The following XRCC3 variants were observed in gnomAD, a reference collection of about 807,000 sequenced individuals.
XRCC3 encodes the protein X-ray repair cross complementing 3.
A neutral mutation model predicts 29.2 loss-of-function variants in XRCC3; 34 were observed. The ratio of observed to expected loss-of-function variants is 1.16; its 90% CI spans 0.88 to 1.55. XRCC3 has a LOEUF of 1.55. Among genes scored for constraint, XRCC3 ranks in the 40% most tolerant of loss-of-function variants. The pLI is 0.00. For missense variants in XRCC3, 463 were observed against 467.6 expected, an observed-to-expected ratio of 0.99 and a Z score of 0.09; for synonymous variants, 223 against 211.3, an observed-to-expected ratio of 1.06 and a Z score of -0.48.
chr14:103,711,693 C>T (rs1036134401), intron 2 of XRCC3, 126 bp from the exon 3 acceptor site: 18 of 456,126 alleles, frequency 3.9e-5, no homozygotes, highest in Non-Finnish European at 7.9e-5. Context: ...CTGTGGACCC[C>T]ACCCAGCCTC....
chr14:103,700,168 A>C (rs1160901656), intron 7 of XRCC3: 1 of 204,382 alleles, frequency 4.9e-6, no homozygotes, highest in East Asian at 1.2e-4. Context: ...GGGGGTCAGG[A>C]TGGGGCTGTA....
intron 5 of XRCC3, 34 bp downstream of exon 5, chr14:103,708,488 G>A (rs1799795): frequency 0.068 from 109,146 of 1,612,390 alleles, 4,140 homozygotes; most frequent in Middle Eastern, 0.12. Flanking sequence ...GGAGCCACAT[G>A]TCACCCCTGG....
At chr14:103,710,390 C>G (rs1455385867) in intron 4 of XRCC3, 2 of 152,598 alleles carry the variant, frequency 1.3e-5, no homozygotes, top group African/African-American at 4.8e-5. Context: ...ACTGACAAAT[C>G]AAACATTACA....
chr14:103,702,383 A>AG (rs2083254249), intron 7 of XRCC3: 1 of 152,310 alleles, frequency 6.6e-6, no homozygotes, highest in Non-Finnish European at 1.5e-5. Flanking sequence ...CTCAGGGGCA[A>AG]GGGGAAACCA....
chr14:103,708,836 G>A (rs911742615), intron 4 of XRCC3, 177 bp from the exon 5 acceptor site: 11 of 779,014 alleles, frequency 1.4e-5, no homozygotes, highest in South Asian at 3.0e-5. Flanking sequence ...CAGTGTGGCC[G>A]ATGCACAGGC....
At chr14:103,708,802 C>A in intron 4 of XRCC3, 143 bp from the exon 5 acceptor site, 2 of 1,098,272 alleles carry the variant, frequency 1.8e-6, no homozygotes, top group East Asian at 2.6e-5. Context: ...GACCGGATCC[C>A]CTGCTCCCTG....
intron 1 of XRCC3, among the ~76,000 whole-genome samples, 178 bp downstream of exon 1, chr14:103,715,246 G>A (rs1422021566): frequency 2.0e-5 from 3 of 152,092 alleles, no homozygotes; most frequent in East Asian, 3.9e-4. Context: ...CGGGGCTCCC[G>A]GGGTGAGTGC....
chr14:103,705,516 C>G (rs988923983), intron 6 of XRCC3: 5 of 152,206 alleles, frequency 3.3e-5, no homozygotes, highest in African/African-American at 1.2e-4. Flanking sequence ...CTGCCGCTTT[C>G]TTTTCAAAAT....
At chr14:103,703,475 T>A (rs954425160) in intron 6 of XRCC3, 148 bp from the exon 7 acceptor site, 1 of 989,028 alleles carries the variant, frequency 1.0e-6, no homozygotes, top group Non-Finnish European at 1.5e-6. Flanking sequence ...AGGAGGCTGG[T>A]GCTTTTTCTC....
rs369084074 is a variant in XRCC3 at position 103,703,128 on chromosome 14, G to C, written c.561+45C>G. ...TGGCTACACCTGCCCCAATGGTCCT[G>C]AATAGCTTGCCTTGGGGGTGTCATG... On this transcript the variant is annotated intron_variant, in intron 7 of 9. Transcript: ENST00000555055. 3.2e-6 allele frequency: 5 copies of C among 1,548,720 alleles called. No individual in the cohort carries two copies. The Admixed American group carries it at 9.6e-5, about 30-fold the overall frequency.
At chr14:103,701,363 C>T in intron 7 of XRCC3, 1 of 708,234 alleles carries the variant, frequency 1.4e-6, no homozygotes, top group African/African-American at 1.8e-5. Flanking sequence ...AACCACACGG[C>T]TGGCGTGACC....
Position 103,711,137 on chromosome 14 carries a change from A to T in XRCC3, c.-50T>A. 6.2e-7 allele frequency: 1 copy of T among 1,603,586 alleles called. No homozygotes were observed. Among genetic ancestry groups the T allele is most frequent in the Non-Finnish European group, 8.5e-7 (1 of 1,170,480 alleles). ...ATGAATAACTTCCCAGGAAAGACAG[A>T]ACAATGGATGCAAATTCTGAGGCAC... On this transcript the variant is annotated 5_prime_UTR_variant, in exon 4 of 10. Coordinates refer to ENST00000555055, the MANE Select transcript of XRCC3 (RefSeq NM_005432.4).
rs779101792 is a variant in XRCC3, at chr14:103,708,523, T to C, written c.192A>G (p.Thr64=). Residue 64 remains threonine (T), a splice_region_variant and synonymous_variant, in exon 5 of 10, where the codon ACA becomes ACG. Coordinates refer to ENST00000555055, the MANE Select transcript of XRCC3 (RefSeq NM_005432.4). ...GCAGAGATGCCAGGGCCCACCTACC[T>C]GTAAGGATGCTGCTTCCCCGCAAGT... The part of the protein sequence containing the change: ...SLHLRGSSIL[T]ALQLHQQKER... The C allele has an allele frequency of 1.9e-6, 3 of 1,613,852 alleles. No homozygotes were observed. Among genetic ancestry groups the C allele is most frequent in the South Asian group, 1.1e-5 (1 of 91,080 alleles).
intron 2 of XRCC3, 166 bp from the exon 3 acceptor site, chr14:103,711,733 C>T (rs765789323): frequency 4.4e-6 from 2 of 455,908 alleles, no homozygotes; most frequent in Non-Finnish European, 8.8e-6. Flanking sequence ...AGCCATTCCA[C>T]AGCCCGAGCC....
chr14:103,702,842 G>C (rs1015566464), intron 7 of XRCC3: 24 of 365,130 alleles, frequency 6.6e-5, no homozygotes, highest in Non-Finnish European at 1.1e-4. Context: ...CAGGACCCCT[G>C]CTCTCCGTAT....
At position 103,703,193 on chromosome 14, in the gene XRCC3, T is replaced by C. The variant is rs1567054028; in HGVS notation, c.541A>G (p.Ile181Val). ...QKLRFGSQIF[I>V]EHVADVDTLL... is the part of the protein sequence containing the mutation. The stretch of plus-strand genomic sequence containing the variant: ...CTCACCACATCGGCCACGTGCTCGA[T>C]GAAGATCTGGCTGCCAAATCGGAGC... The change falls in exon 7 of 10, where the codon ATC becomes GTC. Residue 181 changes from isoleucine to valine, a missense_variant. Coordinates refer to ENST00000555055, the MANE Select transcript of XRCC3 (RefSeq NM_005432.4). 1.3e-6 allele frequency: 2 copies of C among 1,572,780 alleles called. No individual in the cohort carries two copies. The highest frequency in any genetic ancestry group is 1.2e-5 in the South Asian group (1 of 86,412).
In XRCC3 at chr14:103,707,142, C is replaced by T; in HGVS notation, c.267G>A (p.Leu89=). Residue 89 remains leucine (L), a synonymous_variant, in exon 6 of 10, where the codon CTG becomes CTA. Transcript: ENST00000555055. Reference sequence around the variant, plus strand: ...GCAGGCCACCGCGGAGCAGCGCGTCCAGCACCGGGCAGCCCAGGCTCAGGC... The same window carrying T: ...GCAGGCCACCGCGGAGCAGCGCGTCTAGCACCGGGCAGCCCAGGCTCAGGC... ...HQRLSLGCPV[L]DALLRGGLPL... The T allele has an allele frequency of 1.3e-6, 2 of 1,549,574 alleles. No homozygotes were observed. Among genetic ancestry groups the T allele is most frequent in the Non-Finnish European group, 1.7e-6 (2 of 1,146,784 alleles).
At chr14:103,714,765 C>T (rs1177776497) in intron 1 of XRCC3, among the ~76,000 whole-genome samples, 1 of 152,164 alleles carries the variant, frequency 6.6e-6, no homozygotes. Flanking sequence ...CTGCAACCTC[C>T]GCCTCCCGGG....
chr14:103,708,310 C>T (rs1264829516), intron 5 of XRCC3: 2 of 690,258 alleles, frequency 2.9e-6, no homozygotes, highest in East Asian at 5.6e-5. Context: ...TCCCACAGCC[C>T]GTGTCCACCT....
Sources: allele counts gnomAD v4.1 joint callset (sites outside exome capture counted in the v4.1 genomes callset), GRCh38; gene constraint gnomAD v4.1.1; transcripts MANE v1.5; gene names NCBI Gene and HGNC (gene_info 2026-07-23, HGNC 2026-07-21).